The following EHBP1L1 variants were observed in gnomAD, a reference collection of about 807,000 sequenced individuals.
EHBP1L1 encodes the protein EH domain binding protein 1 like 1.
A neutral mutation model predicts 151.1 loss-of-function variants in EHBP1L1; 122 were observed. The observed-to-expected ratio is 0.81, with a 90% CI of 0.70 to 0.94. The LOEUF (loss-of-function observed/expected upper bound fraction) is 0.94. Among genes scored for constraint, EHBP1L1 ranks in the 40% least tolerant of loss-of-function variants. The probability of loss-of-function intolerance (pLI) is 0.00; values close to 1 mark genes in which losing one functional copy is unlikely to be tolerated. For missense variants in EHBP1L1, 1,941 were observed against 1,959.8 expected (o/e 0.99, Z 0.18); for synonymous variants, 878 against 810.1 (o/e 1.08, Z -1.42).
At position 65,583,768 on chromosome 11, in the gene EHBP1L1, A is replaced by G; in HGVS notation, c.3093+3A>G. 1.4e-6 allele frequency: 2 copies of G among 1,477,928 alleles called. No homozygotes were observed. Among genetic ancestry groups the G allele is most frequent in the South Asian group, 1.4e-5 (1 of 73,698 alleles). 91.6% of individuals were successfully genotyped at this position (1,477,928 alleles called of 1,614,324 possible). On this transcript the variant is annotated splice_donor_region_variant and intron_variant, in intron 9 of 18. Transcript: ENST00000309295. ...ACAGGAGGCTGCCGGGCAGCCAGGT[A>G]GGGATGGGGGCCGCCGAGGGCCCAG... is the stretch of plus-strand genomic sequence containing the variant.
At position 65,592,391 on chromosome 11, in the gene EHBP1L1, G is replaced by A. The variant is rs1047747873; in HGVS notation, c.*89G>A. The A allele has an allele frequency of 3.9e-6, 4 of 1,031,854 alleles. No individual in the cohort carries two copies. In the African/African-American group the frequency reaches 5.2e-5, roughly 13 times the overall value. The allele number at this position is 1,031,854 out of a possible 1,614,324, so 63.9% of individuals were successfully genotyped here. A position where few individuals can be genotyped will look rare whatever the true frequency, so the allele number is the denominator to read the frequency against. On this transcript the variant is annotated 3_prime_UTR_variant, in exon 19 of 19. Transcript: ENST00000309295. ...GCGCTGCGGACGACCCGGCCGTCCCGGAGGCCGCGCGCGTGTCCGCTAGGG... is the reference window on the plus strand; with the variant it reads ...GCGCTGCGGACGACCCGGCCGTCCCAGAGGCCGCGCGCGTGTCCGCTAGGG...
chr11:65,587,937 C>T (rs947673973), intron 12 of EHBP1L1, among the ~76,000 whole-genome samples: 6 of 152,178 alleles, frequency 3.9e-5, no homozygotes, highest in Non-Finnish European at 7.3e-5. Context: ...TTTAAGTGCC[C>T]GGCACAGAAA....
chr11:65,579,181 G>A lies in EHBP1L1; in HGVS notation c.162+46G>A, dbSNP rs376061475. ...GGGATCCAGGTTAGGGATGGGGGCC[G>A]GTGGGAGGCTGATGGGGGCTGATGG... On this transcript the variant is annotated intron_variant, in intron 2 of 18. Transcript: ENST00000309295. 14 of 1,561,938 alleles carry A rather than the reference G, an allele frequency of 9.0e-6. No individual in the cohort carries two copies. In the East Asian group the frequency reaches 2.1e-4, roughly 24 times the overall value.
At chr11:65,587,822 C>T (rs760824963) in intron 12 of EHBP1L1, among the ~76,000 whole-genome samples, 1 of 152,208 alleles carries the variant, frequency 6.6e-6, no homozygotes, top group East Asian at 1.9e-4. Flanking sequence ...CTTTAGGAGC[C>T]TCATCTCTGA....
At position 65,576,280 on chromosome 11, in the gene EHBP1L1, T is replaced by A; in HGVS notation, c.-23T>A. ...CAGCGGGAGCCCCGGGCCTGAGAAG[T>A]GGGCGGCGGGGTGGCGGGGGCCATG... On this transcript the variant is annotated 5_prime_UTR_variant, in exon 1 of 19. Coordinates refer to ENST00000309295, the MANE Select transcript of EHBP1L1 (RefSeq NM_001099409.3). 1 of 1,561,122 alleles carries A rather than the reference T, an allele frequency of 6.4e-7. No individual in the cohort carries two copies. The highest frequency in any genetic ancestry group is 1.4e-5 in the African/African-American group (1 of 73,634).
Position 65,579,062 on chromosome 11 carries a change from C to G in EHBP1L1, c.105-16C>G. The G allele has an allele frequency of 6.4e-7, 1 of 1,573,052 alleles. No homozygotes were observed. The highest frequency in any genetic ancestry group is 8.6e-7 in the Non-Finnish European group (1 of 1,159,236). On this transcript the variant is annotated splice_polypyrimidine_tract_variant and intron_variant, in intron 1 of 18. Transcript: ENST00000309295. ...GCAGCCTGCTCCCTTTCTCCCTCCC[C>G]TTCCCCCTCCCCCAGGCAGCCAGAT...
intron 18 of EHBP1L1, 54 bp from the exon 19 acceptor site, chr11:65,592,149 G>A (rs1282234877): frequency 1.3e-5 from 21 of 1,609,350 alleles, no homozygotes; most frequent in East Asian, 1.1e-4. Flanking sequence ...TCCCGCAGAG[G>A]GCTGCGTGTG....
At chr11:65,588,411 A>G (rs1858087385) in intron 12 of EHBP1L1, among the ~76,000 whole-genome samples, 1 of 152,060 alleles carries the variant, frequency 6.6e-6, no homozygotes. Context: ...GAGAGATGTG[A>G]AACAGTTACA....
In EHBP1L1 at chr11:65,583,781, G is replaced by A. The variant is rs777079027; in HGVS notation, c.3093+16G>A. On this transcript the variant is annotated intron_variant, in intron 9 of 18. Transcript: ENST00000309295. ...GGGCAGCCAGGTAGGGATGGGGGCC[G>A]CCGAGGGCCCAGTCTGCTGCTTCCC... 6.8e-6 allele frequency: 10 copies of A among 1,461,732 alleles called. No individual in the cohort carries two copies. Among genetic ancestry groups the A allele is most frequent in the South Asian group, 2.8e-5 (2 of 70,682 alleles). 90.5% of individuals were successfully genotyped at this position (1,461,732 alleles called of 1,614,324 possible).
Position 65,579,119 on chromosome 11 carries a change from G to A in EHBP1L1, c.146G>A (p.Arg49Gln), listed in dbSNP as rs373275794. 33 of 1,594,980 alleles carry A rather than the reference G, an allele frequency of 2.1e-5. 1 individual carries two copies. The highest frequency in any genetic ancestry group is 8.0e-5 in the South Asian group (7 of 87,766). Residue 49 changes from arginine (R) to glutamine (Q), a missense_variant, in exon 2 of 19, where the codon CGA (arginine) becomes CAA (glutamine). By Grantham distance (43) the Arg-to-Gln change is conservative. Transcript: ENST00000309295. ...KLVVVWTRRN[R>Q]RICSKAHSWQ... ...GTGGTGGTATGGACCCGTCGGAACCGACGCATCTGCTCCAAGGTGGGGAAG... is the reference window on the plus strand; with the variant it reads ...GTGGTGGTATGGACCCGTCGGAACCAACGCATCTGCTCCAAGGTGGGGAAG...
intron 3 of EHBP1L1, among the ~76,000 whole-genome samples, chr11:65,579,711 C>T: frequency 6.6e-6 from 1 of 151,774 alleles, no homozygotes; most frequent in East Asian, 1.9e-4. Context: ...CCTGTAATCC[C>T]AGCTACTTGG....
intron 8 of EHBP1L1, 33 bp from the exon 9 acceptor site, chr11:65,581,505 AG>A: frequency 7.0e-7 from 1 of 1,429,722 alleles, no homozygotes; most frequent in Non-Finnish European, 9.3e-7. Context: ...GGGCCAAAGC[AG>A]CCCCCCAACT....
chr11:65,577,135 C>A (rs1857368091), intron 1 of EHBP1L1, among the ~76,000 whole-genome samples: 2 of 152,220 alleles, frequency 1.3e-5, no homozygotes, highest in South Asian at 4.1e-4. Context: ...TCACATGCCG[C>A]CACCCATAGC....
rs750550016 is a variant in EHBP1L1 at position 65,579,465 on chromosome 11, GCAATTGCAACACAGGCAGTTGCAA to G, written c.258+45_258+68del. The G allele has an allele frequency of 2.4e-5, 35 of 1,438,338 alleles. No individual in the cohort carries two copies. The East Asian group carries it at 3.8e-4, about 16-fold the overall frequency. 89.1% of individuals were successfully genotyped at this position (1,438,338 alleles called of 1,614,324 possible). On this transcript the variant is annotated intron_variant, in intron 3 of 18. Coordinates refer to ENST00000309295, the MANE Select transcript of EHBP1L1 (RefSeq NM_001099409.3). ...AGTCTCTAGCCCTCCAGCATGGATG[GCAATTGCAACACAGGCAGTTGCAA>G]CAATTGCAACACAGGTCTCCTGGTA... is the stretch of plus-strand genomic sequence containing the variant.
chr11:65,585,172 G>T lies in EHBP1L1; in HGVS notation c.3514G>T (p.Asp1172Tyr). The change falls in exon 12 of 19, where the codon GAC (aspartate) becomes TAC (tyrosine). Residue 1172 changes from aspartate (D) to tyrosine (Y), a missense_variant. By Grantham distance (160) the Asp-to-Tyr change is radical. Coordinates refer to ENST00000309295, the MANE Select transcript of EHBP1L1 (RefSeq NM_001099409.3). The surrounding 1 kb of genome is among the most constrained non-coding windows in gnomAD (Gnocchi z 4.0). ...CAGCGCCCAGCCCAGCCCGCCCGAC[G>T]ACCTGGACGCCGGAGGCCTGGCGCA... is the stretch of plus-strand genomic sequence containing the variant. Reference protein sequence around the residue: ...VGSAQPSPPDDLDAGGLAQRL... With the variant: ...VGSAQPSPPDYLDAGGLAQRL... The T allele has an allele frequency of 2.3e-6, 3 of 1,328,896 alleles. No individual in the cohort carries two copies. Among genetic ancestry groups the T allele is most frequent in the Non-Finnish European group, 2.9e-6 (3 of 1,043,776 alleles). The allele number at this position is 1,328,896 out of a possible 1,614,324, so 82.3% of individuals were successfully genotyped here.
Position 65,590,737 on chromosome 11 carries a change from GT to G in EHBP1L1, c.4283+148del, listed in dbSNP as rs562831069. The stretch of plus-strand genomic sequence containing the variant: ...CTGTTTTTGTCCTAAACAAATTGCT[GT>G]TTAAAGTGTAAAACTGGCCAGGCAC... On this transcript the variant is annotated intron_variant, in intron 16 of 18. Transcript: ENST00000309295. The G allele has an allele frequency of 1.6e-4, 131 of 798,856 alleles. No individual in the cohort carries two copies. In the South Asian group the frequency reaches 2.1e-3, roughly 13 times the overall value. The allele number at this position is 798,856 out of a possible 1,614,324, so 49.5% of individuals were successfully genotyped here.
intron 12 of EHBP1L1, among the ~76,000 whole-genome samples, chr11:65,586,369 C>T (rs2135302541): frequency 6.6e-6 from 1 of 152,356 alleles, no homozygotes; most frequent in East Asian, 1.9e-4. Context: ...CCCATCCTGC[C>T]TGTCAACCAA....
rs11542239 is a variant in EHBP1L1 at position 65,583,723 on chromosome 11, C to T, written c.3051C>T (p.Ser1017=). Residue 1017 remains serine, a synonymous_variant, in exon 9 of 19, where the codon TCC becomes TCT. Coordinates refer to ENST00000309295, the MANE Select transcript of EHBP1L1 (RefSeq NM_001099409.3). The part of the protein sequence containing the change: ...GAGAGAPRAS[S]PEKAEEDRRL... ...GGGCTGGGGCGCCCAGGGCCTCTTC[C>T]CCAGAGAAGGCTGAAGAGGACAGGA... The T allele has an allele frequency of 7.8e-6, 12 of 1,543,906 alleles. No individual in the cohort carries two copies. The South Asian group carries it at 1.4e-4, about 18-fold the overall frequency.
Position 65,584,933 on chromosome 11 carries a change from T to C in EHBP1L1, c.3301-26T>C, listed in dbSNP as rs1857856850. On this transcript the variant is annotated intron_variant, in intron 11 of 18. Transcript: ENST00000309295. ...GGGTGGCGCGGGCCACCGCCGCCGC[T>C]GACCCCGAGTGCACCCTTCCCCTAG... 19 of 1,530,580 alleles carry C rather than the reference T, an allele frequency of 1.2e-5. 1 individual carries two copies. The Admixed American group carries it at 3.2e-4, about 26-fold the overall frequency. The allele number at this position is 1,530,580 out of a possible 1,614,324, so 94.8% of individuals were successfully genotyped here.
Sources: allele counts gnomAD v4.1 joint callset (sites outside exome capture counted in the v4.1 genomes callset), GRCh38; gene constraint gnomAD v4.1.1; non-coding constraint Gnocchi (gnomAD v3.1); transcripts MANE v1.5; gene names NCBI Gene and HGNC (gene_info 2026-07-23, HGNC 2026-07-21).